Variants in PTPRQ observed in about 807,000 individuals in gnomAD.
PTPRQ encodes the protein phosphatidylinositol phosphatase PTPRQ.
In PTPRQ, 199 loss-of-function variants were observed where a neutral mutation model predicts 246.0. The ratio of observed to expected loss-of-function variants is 0.81; its 90% CI spans 0.72 to 0.91. The LOEUF is 0.91. PTPRQ is among the 40% of genes least tolerant of loss of function. The pLI, the probability that PTPRQ is intolerant of heterozygous loss-of-function variation, is 0.00. For missense variants in PTPRQ, 2,624 were observed against 2,528.4 expected (o/e 1.04, Z -0.81); for synonymous variants, 869 against 853.2 (o/e 1.02, Z -0.32).
intron 33 of PTPRQ, among the ~76,000 whole-genome samples, chr12:80,623,640 T>C (rs1300194647): frequency 6.6e-6 from 1 of 152,140 alleles, no homozygotes; most frequent in East Asian, 1.9e-4. Context: ...CTAGACAAGA[T>C]AGATAACCCA....
intron 8 of PTPRQ, among the ~76,000 whole-genome samples, chr12:80,476,054 T>C (rs1893800416): frequency 6.6e-6 from 1 of 152,046 alleles, no homozygotes; most frequent in Non-Finnish European, 1.5e-5. Flanking sequence ...GCTGTTTTTT[T>C]TTTTTCAGTT....
At position 80,506,071 on chromosome 12, in the gene PTPRQ, G is replaced by A; in HGVS notation, c.2320G>A (p.Gly774Arg). 6.5e-7 allele frequency: 1 copy of A among 1,546,790 alleles called. No individual in the cohort carries two copies. Among genetic ancestry groups the A allele is most frequent in the Non-Finnish European group, 8.7e-7 (1 of 1,144,872 alleles). Residue 774 changes from glycine to arginine, a missense_variant, in exon 15 of 45, where the codon GGA becomes AGA. Transcript: ENST00000644991. ...TATCACTTACAAAAATATTTCTTCT[G>A]GAGAGATTGAGCTATCATTCCTTCC... Reference protein sequence around the residue: ...ENITYKNISSGEIELSFLPPS... With the variant: ...ENITYKNISSREIELSFLPPS...
chr12:80,594,078 A>G (rs1234414405), intron 26 of PTPRQ, among the ~76,000 whole-genome samples: 1 of 152,196 alleles, frequency 6.6e-6, no homozygotes, highest in Non-Finnish European at 1.5e-5. Flanking sequence ...AAGGAATGCA[A>G]CTTTATGATC....
chr12:80,581,101 T>C (rs1897420774), intron 25 of PTPRQ, among the ~76,000 whole-genome samples: 1 of 152,166 alleles, frequency 6.6e-6, no homozygotes, highest in Admixed American at 6.5e-5. Context: ...CATCTAGTCA[T>C]CCCTCCAGAT....
intron 25 of PTPRQ, among the ~76,000 whole-genome samples, chr12:80,572,680 A>T (rs1034779485): frequency 2.0e-5 from 3 of 152,096 alleles, no homozygotes; most frequent in African/African-American, 7.2e-5. Flanking sequence ...ATTGAAGAAG[A>T]TTCTTTCATT....
rs569762294 is a variant in PTPRQ at position 80,615,199 on chromosome 12, CT to C, written c.5164-992del. On this transcript the variant is annotated intron_variant, in intron 29 of 44. Transcript: ENST00000644991. Reference sequence around the variant, plus strand: ...TAACATACGTTTTTTATTTTTAATACTTTTTTTTTGAATTTACAAACTCAAA... The same window carrying C: ...TAACATACGTTTTTTATTTTTAATACTTTTTTTTGAATTTACAAACTCAAA... Among the ~76,000 whole-genome samples the C allele has an allele frequency of 9.9e-3, 1,478 of 149,876 alleles. 28 individuals are homozygous for C. Among genetic ancestry groups the C allele is most frequent in the African/African-American group, 0.032 (1,309 of 41,064 alleles).
intron 39 of PTPRQ, among the ~76,000 whole-genome samples, chr12:80,668,071 T>A (rs1223937521): frequency 6.6e-6 from 1 of 152,026 alleles, no homozygotes; most frequent in Non-Finnish European, 1.5e-5. Flanking sequence ...TACTATTCTC[T>A]GACTACTGAG....
At chr12:80,453,145 C>T (rs56121556) in intron 3 of PTPRQ, among the ~76,000 whole-genome samples, 69,379 of 151,998 alleles carry the variant, frequency 0.46, 18,813 homozygotes, top group South Asian at 0.63. Context: ...CCCTTTCTTC[C>T]AGTTGATCGC....
At chr12:80,486,928 A>G (rs1894295341) in intron 9 of PTPRQ, among the ~76,000 whole-genome samples, 1 of 152,134 alleles carries the variant, frequency 6.6e-6, no homozygotes, top group Admixed American at 6.6e-5. Flanking sequence ...CTGCAATTTT[A>G]TGTACTGTGA....
At chr12:80,553,626 C>T (rs1206662894) in intron 25 of PTPRQ, among the ~76,000 whole-genome samples, 1 of 152,022 alleles carries the variant, frequency 6.6e-6, no homozygotes, top group Non-Finnish European at 1.5e-5. Flanking sequence ...TTGGTCAAAT[C>T]TGGATGCAGC....
At chr12:80,511,161 T>G (rs1895115607) in intron 17 of PTPRQ, among the ~76,000 whole-genome samples, 1 of 152,164 alleles carries the variant, frequency 6.6e-6, no homozygotes, top group Non-Finnish European at 1.5e-5. Context: ...TTTATATTTC[T>G]GAATTTGAAG....
At chr12:80,457,550 A>G (rs1893017672) in intron 3 of PTPRQ, 25 bp from the exon 4 acceptor site, 1 of 400,230 alleles carries the variant, frequency 2.5e-6, no homozygotes, top group East Asian at 3.6e-5. Context: ...AAATGTTTGA[A>G]CACAATCCTT....
intron 35 of PTPRQ, among the ~76,000 whole-genome samples, chr12:80,641,285 G>A (rs192703755): frequency 7.1e-4 from 108 of 152,180 alleles, no homozygotes; most frequent in African/African-American, 2.2e-3. Flanking sequence ...CTGATTGAGC[G>A]TCCCAAACAT....
chr12:80,619,161 A>G (rs929195743), intron 30 of PTPRQ, among the ~76,000 whole-genome samples: 6 of 151,556 alleles, frequency 4.0e-5, no homozygotes, highest in African/African-American at 1.5e-4. Flanking sequence ...TGAAAATCAC[A>G]CCTGGGCTCT....
rs543158651 is a variant in PTPRQ, at chr12:80,635,037, T to A, written c.5879T>A (p.Val1960Glu). 7 of 1,551,302 alleles carry A rather than the reference T, an allele frequency of 4.5e-6. No individual in the cohort carries two copies. The South Asian group carries it at 7.1e-5, about 16-fold the overall frequency. Residue 1960 changes from valine (V) to glutamate (E), a missense_variant, in exon 35 of 45, where the codon GTG (valine) becomes GAG (glutamate). Coordinates refer to ENST00000644991, the MANE Select transcript of PTPRQ (RefSeq NM_001145026.2). Reference protein sequence around the residue: ...TKLKLDQLITVADLELKDERL... With the variant: ...TKLKLDQLITEADLELKDERL... ...TTGAAGCTGGATCAGCTCATCACAG[T>A]GGCAGACCTGGAACTGAAGGACGAG...
At chr12:80,525,664 C>G (rs1895663202) in intron 17 of PTPRQ, among the ~76,000 whole-genome samples, 2 of 151,886 alleles carry the variant, frequency 1.3e-5, no homozygotes, top group African/African-American at 2.4e-5. Flanking sequence ...GTCTCTCTCT[C>G]TCTCTCTCTC....
intron 25 of PTPRQ, among the ~76,000 whole-genome samples, chr12:80,558,686 T>A (rs1896735388): frequency 6.6e-6 from 1 of 152,110 alleles, no homozygotes; most frequent in African/African-American, 2.4e-5. Flanking sequence ...GCATGTTAAG[T>A]TTTTTTAAGA....
chr12:80,592,183 T>A (rs1371085794), intron 26 of PTPRQ, among the ~76,000 whole-genome samples: 1 of 152,150 alleles, frequency 6.6e-6, no homozygotes, highest in African/African-American at 2.4e-5. Context: ...ATGAAAAGAT[T>A]TATATTTTTC....
intron 29 of PTPRQ, among the ~76,000 whole-genome samples, chr12:80,614,723 A>C (rs1201664257): frequency 6.6e-6 from 1 of 150,848 alleles, no homozygotes; most frequent in East Asian, 2.0e-4. Flanking sequence ...ACCTGGGTTC[A>C]AATACTGGCG....
Sources: allele counts gnomAD v4.1 joint callset (sites outside exome capture counted in the v4.1 genomes callset), GRCh38; gene constraint gnomAD v4.1.1; transcripts MANE v1.5; gene names NCBI Gene and HGNC (gene_info 2026-07-23, HGNC 2026-07-21).